Variants in TEX14 observed in about 807,000 individuals in gnomAD.
TEX14 encodes testis expressed 14, intercellular bridge forming factor, also known as inactive serine/threonine-protein kinase TEX14.
Under a neutral mutation model 178.6 loss-of-function variants are expected in TEX14, and 168 were observed. The observed-to-expected ratio is 0.94, with a 90% CI of 0.83 to 1.07. The LOEUF (loss-of-function observed/expected upper bound fraction) is 1.07. Ranked by LOEUF, TEX14 falls within the 50% of genes least tolerant of loss-of-function variation. The pLI is 0.00. For synonymous variants in TEX14, 626 were observed against 634.1 expected (o/e 0.99, Z 0.19); for missense variants, 1,730 against 1,753.6 (o/e 0.99, Z 0.24).
In TEX14 at chr17:58,585,954, T is replaced by C; in HGVS notation, c.2917A>G (p.Ile973Val). The change falls in exon 18 of 32, where the codon ATT becomes GTT. Residue 973 changes from isoleucine to valine, a missense_variant. Ile to Val is a conservative substitution (Grantham distance 29). Transcript: ENST00000349033. ...NEPDALLQPP[I>V]RSPENTDWQR... ...CAATCCGTGTTTTCTGGGCTCCTAA[T>C]GGGGGGCTGCAGCAGGGCGTCGGGC... 3.7e-6 allele frequency: 6 copies of C among 1,613,978 alleles called. No individual in the cohort carries two copies. Among genetic ancestry groups the C allele is most frequent in the Non-Finnish European group, 5.1e-6 (6 of 1,179,998 alleles).
rs1567741605 is a variant in TEX14, at chr17:58,622,838, C to A, written c.417+9G>T. 6.2e-7 allele frequency: 1 copy of A among 1,601,128 alleles called. No homozygotes were observed. Among genetic ancestry groups the A allele is most frequent in the East Asian group, 2.2e-5 (1 of 44,508 alleles). On this transcript the variant is annotated intron_variant, in intron 4 of 31. Coordinates refer to ENST00000349033, the MANE Select transcript of TEX14 (RefSeq NM_031272.5). ...GTGGGCATGGCTACAGAGTGGGACC[C>A]ACCCTTACCTGGGTGCTACGCTCCT...
Position 58,598,867 on chromosome 17 carries a change from G to T in TEX14, c.2469+9C>A. ...TTTTGCCAAAATGTCCCCCTTGAAA[G>T]TCTCTTACCATTCTTGGAAATCTTG... On this transcript the variant is annotated intron_variant, in intron 14 of 31. Transcript: ENST00000349033. 1 of 1,581,074 alleles carries T rather than the reference G, an allele frequency of 6.3e-7. No individual in the cohort carries two copies. The highest frequency in any genetic ancestry group is 8.6e-7 in the Non-Finnish European group (1 of 1,165,608).
intron 6 of TEX14, 138 bp from the exon 7 acceptor site, chr17:58,616,443 T>TTG (rs2045875131): frequency 8.9e-7 from 1 of 1,126,134 alleles, no homozygotes; most frequent in African/African-American, 1.6e-5. Flanking sequence ...TGGGCCTTTT[T>TTG]TTTTTTTTGA....
chr17:58,587,917 C>G lies in TEX14; in HGVS notation c.2681G>C (p.Ser894Thr), dbSNP rs749902536. The G allele has an allele frequency of 6.2e-7, 1 of 1,613,340 alleles. No individual in the cohort carries two copies. Among genetic ancestry groups the G allele is most frequent in the African/African-American group, 1.3e-5 (1 of 74,856 alleles). The change falls in exon 16 of 32, where the codon AGC (serine) becomes ACC (threonine). Residue 894 changes from serine to threonine, a missense_variant. Physicochemically the swap from Ser to Thr is moderately conservative, Grantham distance 58. This residue lies in a region of TEX14 where 941 missense variants were observed against 1,072.4 expected (regional missense o/e 0.88). Transcript: ENST00000349033. ...SHRQGPSASP[S>T]CHWDSTRMSV... ...TTACCTGGTAGAGTCCCAGTGACAGCTGGGTGATGCAGAAGGTCCCTGCCG... is the reference window on the plus strand; with the variant it reads ...TTACCTGGTAGAGTCCCAGTGACAGGTGGGTGATGCAGAAGGTCCCTGCCG...
Position 58,587,667 on chromosome 17 carries a change from C to A in TEX14, c.2703-1G>T. On this transcript the variant is annotated splice_acceptor_variant, in intron 16 of 31. Coordinates refer to ENST00000349033, the MANE Select transcript of TEX14 (RefSeq NM_031272.5). LOFTEE classifies it high-confidence loss of function. ...AGAAGAAACAGGTTCCACACTCATC[C>A]TGAATTGCACGGGTTTTTTGGAGGT... 1 of 1,598,214 alleles carries A rather than the reference C, an allele frequency of 6.3e-7. No individual in the cohort carries two copies. The highest frequency in any genetic ancestry group is 1.1e-5 in the South Asian group (1 of 88,696).
At chr17:58,661,676 A>C (rs1157324558) in intron 1 of TEX14, 3 of 611,118 alleles carry the variant, frequency 4.9e-6, no homozygotes, top group Non-Finnish European at 8.7e-6. Context: ...GATTTCTAAC[A>C]ACCAGTCTGA....
chr17:58,599,071 G>GA lies in TEX14; in HGVS notation c.2273dup (p.Glu759ArgfsTer71). 6.2e-7 allele frequency: 1 copy of GA among 1,614,012 alleles called. No homozygotes were observed. The highest frequency in any genetic ancestry group is 8.5e-7 in the Non-Finnish European group (1 of 1,179,996). ...CTTCCTGTTCCTTCTGTTTCATCTC[G>GA]ACTTCATCTAATATCTGCTCGATAT... On this transcript the variant is annotated frameshift_variant, in exon 14 of 32. Coordinates refer to ENST00000349033, the MANE Select transcript of TEX14 (RefSeq NM_031272.5). LOFTEE classifies it high-confidence loss of function.
Position 58,579,719 on chromosome 17 carries a change from T to C in TEX14, c.3184A>G (p.Ile1062Val), listed in dbSNP as rs757477037. ...VEKSYSTSSP[I>V]EEDFEGIQGA... ...TGTATTCCTTCAAAGTCCTCTTCTA[T>C]GGGACTCGAGGTCTAAAAAAGAACA... Residue 1062 changes from isoleucine to valine, a missense_variant, in exon 20 of 32, where the codon ATA (isoleucine) becomes GTA (valine). Coordinates refer to ENST00000349033, the MANE Select transcript of TEX14 (RefSeq NM_031272.5). 2.5e-6 allele frequency: 4 copies of C among 1,613,704 alleles called. No individual in the cohort carries two copies. In the African/African-American group the frequency reaches 5.3e-5, roughly 22 times the overall value.
At chr17:58,578,863 T>G (rs878999093) in intron 20 of TEX14, among the ~76,000 whole-genome samples, 1 of 152,160 alleles carries the variant, frequency 6.6e-6, no homozygotes, top group Admixed American at 6.5e-5. Flanking sequence ...GAAGCTGGAG[T>G]ATGCAGTGGA....
rs1375279034 is a variant in TEX14, at chr17:58,615,225, T to C, written c.881+7A>G. ...GACCTATAAGGGGCCTTGGGCTTCC[T>C]TCTCACCTGCTGTGTTCCTGCTCGG... On this transcript the variant is annotated splice_region_variant and intron_variant, in intron 8 of 31. Coordinates refer to ENST00000349033, the MANE Select transcript of TEX14 (RefSeq NM_031272.5). The C allele has an allele frequency of 3.8e-6, 6 of 1,592,426 alleles. No homozygotes were observed. In the African/African-American group the frequency reaches 6.7e-5, roughly 18 times the overall value.
chr17:58,604,858 G>C (rs535523712), intron 11 of TEX14, 120 bp downstream of exon 11: 30 of 1,191,762 alleles, frequency 2.5e-5, no homozygotes, highest in Admixed American at 1.8e-4. Flanking sequence ...ACTGCTCCCA[G>C]CCAAGAAGTC....
chr17:58,626,796 A>G (rs1009752248), intron 3 of TEX14, among the ~76,000 whole-genome samples: 9 of 151,684 alleles, frequency 5.9e-5, no homozygotes, highest in Non-Finnish European at 1.3e-4. Context: ...GCTTGAACCC[A>G]GGAAGCAGAG....
At chr17:58,659,585 G>C (rs954357941) in intron 1 of TEX14, among the ~76,000 whole-genome samples, 1 of 152,154 alleles carries the variant, frequency 6.6e-6, no homozygotes, top group Non-Finnish European at 1.5e-5. Flanking sequence ...TTACGGATCG[G>C]TTCGCTCTAG....
intron 13 of TEX14, among the ~76,000 whole-genome samples, chr17:58,600,456 G>A (rs980928805): frequency 6.6e-6 from 1 of 151,780 alleles, no homozygotes; most frequent in Non-Finnish European, 1.5e-5. Context: ...AGCTACTTGG[G>A]AGGCTGAGGC....
chr17:58,654,505 CTTTTTTT>C (rs1267652949), intron 1 of TEX14, among the ~76,000 whole-genome samples: 2 of 135,356 alleles, frequency 1.5e-5, no homozygotes, highest in African/African-American at 5.4e-5. Flanking sequence ...CAACTTGTAA[CTTTTTTT>C]TTTTTTTTTT....
chr17:58,603,760 A>C (rs1381617454), intron 11 of TEX14, among the ~76,000 whole-genome samples: 3 of 151,396 alleles, frequency 2.0e-5, no homozygotes, highest in Non-Finnish European at 4.4e-5. Flanking sequence ...AGGCTGAGGC[A>C]GGAGAATCGC....
intron 1 of TEX14, among the ~76,000 whole-genome samples, chr17:58,659,143 TCACAG>T (rs2047039409): frequency 6.6e-6 from 1 of 150,902 alleles, no homozygotes; most frequent in African/African-American, 2.5e-5. Flanking sequence ...ACTAGTTCAA[TCACAG>T]GACAGAAAAG....
Position 58,616,182 on chromosome 17 carries a change from T to C in TEX14, c.760A>G (p.Met254Val), listed in dbSNP as rs772113598. Residue 254 changes from methionine to valine, a missense_variant, in exon 7 of 32, where the codon ATG (methionine) becomes GTG (valine). Around this residue, in one of 2 missense-constraint regions of TEX14, gnomAD observed 789 missense variants for 681.2 expected, o/e 1.16. Transcript: ENST00000349033. Reference protein sequence around the residue: ...FSFFSGPYMVMTNLVWNGSRV... With the variant: ...FSFFSGPYMVVTNLVWNGSRV... ...TGGCCAGCCCCCACTTACTTGGTCA[T>C]GACCATGTAGGGGCCGCTGAAGAAA... The C allele has an allele frequency of 3.7e-6, 6 of 1,613,130 alleles. No homozygotes were observed. Among genetic ancestry groups the C allele is most frequent in the Middle Eastern group, 1.7e-4 (1 of 5,910 alleles).
chr17:58,669,603 GCA>G (rs2047270590), intron 1 of TEX14, among the ~76,000 whole-genome samples: 2 of 147,548 alleles, frequency 1.4e-5, no homozygotes, highest in African/African-American at 5.0e-5. Context: ...GTGTGGTGGC[GCA>G]TGCCTGTAAT....
Sources: allele counts gnomAD v4.1 joint callset (sites outside exome capture counted in the v4.1 genomes callset), GRCh38; gene constraint gnomAD v4.1.1; regional missense constraint gnomAD v4.1.1; transcripts MANE v1.5; gene names NCBI Gene and HGNC (gene_info 2026-07-23, HGNC 2026-07-21).